TPO: variants seen among roughly 807,000 people sequenced by gnomAD.
TPO encodes thyroid peroxidase, also known as thyroid microsomal antigen.
Under a neutral mutation model 96.9 loss-of-function variants are expected in TPO, and 78 were observed. That is an observed-to-expected ratio of 0.81 (90% CI 0.67 to 0.97). The LOEUF (loss-of-function observed/expected upper bound fraction) is 0.97. Ranked by LOEUF, TPO falls within the 50% of genes least tolerant of loss-of-function variation. TPO has a pLI of 0.00. For synonymous variants in TPO, 547 were observed against 538.0 expected, an observed-to-expected ratio of 1.02 and a Z score of -0.23; for missense variants, 1,252 against 1,274.8, an observed-to-expected ratio of 0.98 and a Z score of 0.27.
chr2:1,503,213 C>T (rs1006351212), intron 13 of TPO, among the ~76,000 whole-genome samples: 1 of 152,178 alleles, frequency 6.6e-6, no homozygotes, highest in Non-Finnish European at 1.5e-5. Context: ...CAGCCTGGCC[C>T]TCGGCGGAGG....
upstream of TPO, among the ~76,000 whole-genome samples, chr2:1,412,987 A>G (rs1428167961): frequency 6.6e-6 from 1 of 152,106 alleles, no homozygotes; most frequent in Non-Finnish European, 1.5e-5. Flanking sequence ...ACCTCAACAA[A>G]TTGGAAAAAA....
At chr2:1,504,627 G>A (rs912714256) in intron 14 of TPO, among the ~76,000 whole-genome samples, 3 of 152,164 alleles carry the variant, frequency 2.0e-5, no homozygotes, top group East Asian at 1.9e-4. Context: ...CTTCCTCACC[G>A]CTGCCTCCAA....
intron 12 of TPO, 28 bp from the exon 13 acceptor site, chr2:1,496,564 GACT>G: frequency 6.2e-7 from 1 of 1,613,062 alleles, no homozygotes; most frequent in Non-Finnish European, 8.5e-7. Flanking sequence ...CTCGTAGTTT[GACT>G]ACATGTCAAC....
chr2:1,532,428 TGTGA>T (rs1452984048), intron 15 of TPO, among the ~76,000 whole-genome samples: 1 of 83,674 alleles, frequency 1.2e-5, no homozygotes, highest in Non-Finnish European at 2.3e-5. Context: ...ATCCCCCCAC[TGTGA>T]GTAACCTCCT....
chr2:1,535,040 CA>C (rs1679253620), intron 15 of TPO, among the ~76,000 whole-genome samples: 1 of 120,168 alleles, frequency 8.3e-6, no homozygotes, highest in Non-Finnish European at 1.8e-5. Flanking sequence ...AAATCCCCCC[CA>C]CTGTGTGCAA....
At chr2:1,503,911 G>A (rs746074402) in intron 13 of TPO, 37 bp from the exon 14 acceptor site, 19 of 1,613,936 alleles carry the variant, frequency 1.2e-5, no homozygotes, top group African/African-American at 4.0e-5. Flanking sequence ...GGGTGCAGCC[G>A]CTTCCTCTCA....
rs570665425 is a variant in TPO at position 1,454,442 on chromosome 2, G to A, written c.612+619G>A. 2.0e-5 allele frequency among the ~76,000 whole-genome samples: 3 copies of A among 152,206 alleles called. No individual in the cohort carries two copies. In the South Asian group the frequency reaches 6.2e-4, roughly 32 times the overall value. On this transcript the variant is annotated intron_variant, in intron 6 of 16. Transcript: ENST00000329066. ...GTCTGACTCAGACCAGCTGTGGACA[G>A]ATACACCAGCACAGAGTTCCCCTAC...
intron 7 of TPO, among the ~76,000 whole-genome samples, chr2:1,473,917 GT>G (rs1669667596): frequency 6.6e-6 from 1 of 152,022 alleles, no homozygotes; most frequent in South Asian, 2.1e-4. Context: ...ATTTTTAGAT[GT>G]TGTAGACATC....
intron 15 of TPO, among the ~76,000 whole-genome samples, chr2:1,530,491 C>G (rs1160557656): frequency 1.5e-5 from 2 of 134,602 alleles, no homozygotes; most frequent in Non-Finnish European, 1.6e-5. Context: ...AAATCCCCCT[C>G]ACTCTGTGCA....
chr2:1,484,883 C>A (rs1670983993), intron 9 of TPO, 29 bp downstream of exon 9: 1 of 1,612,590 alleles, frequency 6.2e-7, no homozygotes, highest in South Asian at 1.1e-5. Context: ...TGCAGCTGGT[C>A]CCCATGAACT....
chr2:1,443,326 C>G (rs552023135), intron 5 of TPO, among the ~76,000 whole-genome samples: 1 of 150,242 alleles, frequency 6.7e-6, no homozygotes, highest in East Asian at 2.0e-4. Context: ...TTTGTATGAC[C>G]CAGTCATTGC....
At chr2:1,415,510 T>C (rs1365587599) in intron 2 of TPO, among the ~76,000 whole-genome samples, 1,747 of 52,226 alleles carry the variant, frequency 0.033, no homozygotes, top group Middle Eastern at 0.1. Flanking sequence ...CCTCTGCACA[T>C]AGTCCCGGGG....
At chr2:1,423,324 G>T (rs968607397) in intron 3 of TPO, among the ~76,000 whole-genome samples, 195 bp downstream of exon 3, 1 of 152,204 alleles carries the variant, frequency 6.6e-6, no homozygotes, top group African/African-American at 2.4e-5. Flanking sequence ...TCTTAAGCAA[G>T]ACACAAAGGA....
At position 1,542,461 on chromosome 2, in the gene TPO, C is replaced by T. The variant is rs924720161; in HGVS notation, c.2789C>T (p.Pro930Leu). Residue 930 changes from proline (P) to leucine (L), a missense_variant, in exon 17 of 17, where the codon CCG (proline) becomes CTG (leucine). Transcript: ENST00000329066. Reference protein sequence around the residue: ...GMEGRDTHRLPRAL With the variant: ...GMEGRDTHRLLRAL Reference sequence around the variant, plus strand: ...GAAGGCCGGGATACTCACAGGCTGCCGAGAGCCCTCTGAGGGCAAAGTGGC... The same window carrying T: ...GAAGGCCGGGATACTCACAGGCTGCTGAGAGCCCTCTGAGGGCAAAGTGGC... The T allele has an allele frequency of 5.6e-6, 9 of 1,614,054 alleles. No homozygotes were observed. The highest frequency in any genetic ancestry group is 1.6e-4 in the Middle Eastern group (1 of 6,084).
At chr2:1,467,250 T>A in intron 7 of TPO, among the ~76,000 whole-genome samples, 1 of 151,990 alleles carries the variant, frequency 6.6e-6, no homozygotes. Flanking sequence ...ATTATAGGCA[T>A]CCACCACCAT....
chr2:1,453,863 GT>G, intron 6 of TPO, 40 bp downstream of exon 6: 1 of 1,613,244 alleles, frequency 6.2e-7, no homozygotes, highest in Non-Finnish European at 8.5e-7. Flanking sequence ...CTAAGATTGG[GT>G]CCTGTGATGC....
chr2:1,536,042 TCAAATCCCCCCACTGTGTGCAACCTTCC>T (rs1679573453), intron 15 of TPO, among the ~76,000 whole-genome samples: 3 of 10,514 alleles, frequency 2.9e-4, no homozygotes, highest in African/African-American at 1.8e-3. Flanking sequence ...TGCAACCTCC[TCAAATCCCCCCACTGTGTGCAACCTTCC>T]CAAATCCCCC....
At chr2:1,382,160 G>C (rs558105615) in intron 1 of TPO, among the ~76,000 whole-genome samples, 1 of 152,128 alleles carries the variant, frequency 6.6e-6, no homozygotes, top group Non-Finnish European at 1.5e-5. Flanking sequence ...CGATGCCCAC[G>C]TAGAACCCGG....
chr2:1,483,017 A>G (rs1376611913), intron 8 of TPO, among the ~76,000 whole-genome samples: 1 of 152,178 alleles, frequency 6.6e-6, no homozygotes, highest in Non-Finnish European at 1.5e-5. Flanking sequence ...GGTCAGAACA[A>G]TGGGTGCTTC....
Sources: allele counts gnomAD v4.1 joint callset (sites outside exome capture counted in the v4.1 genomes callset), GRCh38; gene constraint gnomAD v4.1.1; transcripts MANE v1.5; gene names NCBI Gene and HGNC (gene_info 2026-07-23, HGNC 2026-07-21).